Variants in ZFHX3 observed in about 807,000 individuals in gnomAD.
ZFHX3 encodes the protein zinc finger homeobox protein 3.
Under a neutral mutation model 279.1 loss-of-function variants are expected in ZFHX3, and 42 were observed. That is an observed-to-expected ratio of 0.15 (90% CI 0.12 to 0.19). The LOEUF (loss-of-function observed/expected upper bound fraction) is 0.19. Ranked by LOEUF, ZFHX3 falls within the 10% of genes least tolerant of loss-of-function variation. The probability of loss-of-function intolerance (pLI) is 1.00; values close to 1 mark genes in which losing one functional copy is unlikely to be tolerated. For missense variants in ZFHX3, 4,981 were observed against 4,754.0 expected, an observed-to-expected ratio of 1.05 and a Z score of -1.40; for synonymous variants, 2,293 against 1,957.8, an observed-to-expected ratio of 1.17 and a Z score of -4.52.
At chr16:72,956,457 C>A (rs778137751) in intron 2 of ZFHX3, among the ~76,000 whole-genome samples, 1 of 152,176 alleles carries the variant, frequency 6.6e-6, no homozygotes, top group African/African-American at 2.4e-5. Flanking sequence ...TCTCATGAAA[C>A]CCATCTGTAG....
intron 3 of ZFHX3, among the ~76,000 whole-genome samples, chr16:72,939,523 G>A (rs949885788): frequency 2.0e-5 from 3 of 152,284 alleles, no homozygotes; most frequent in East Asian, 1.9e-4. Context: ...ACACAGACTC[G>A]CTCCCAAGGG....
intron 1 of ZFHX3, among the ~76,000 whole-genome samples, chr16:73,817,528 G>T (rs1960608168): frequency 6.6e-6 from 1 of 152,142 alleles, no homozygotes; most frequent in Admixed American, 6.5e-5. Context: ...TAAAATCGCG[G>T]TTCTGACAGA....
At chr16:73,813,355 C>T (rs116197709) in intron 1 of ZFHX3, among the ~76,000 whole-genome samples, 1,846 of 151,996 alleles carry the variant, frequency 0.012, 29 homozygotes, top group African/African-American at 0.042. Flanking sequence ...ACTAGTTCCC[C>T]ATAGAGGACA....
intron 2 of ZFHX3, among the ~76,000 whole-genome samples, chr16:73,476,004 C>T (rs1406461635): frequency 6.6e-6 from 1 of 152,034 alleles, no homozygotes; most frequent in African/African-American, 2.4e-5. Flanking sequence ...TTAAGGTATT[C>T]CAAAAAGAAA....
At chr16:73,392,183 G>C (rs1292859807) in intron 3 of ZFHX3, among the ~76,000 whole-genome samples, 2 of 152,038 alleles carry the variant, frequency 1.3e-5, no homozygotes, top group Non-Finnish European at 1.5e-5. Flanking sequence ...ACTTTGGGAG[G>C]CTGAGGTGGG....
Position 73,025,037 on chromosome 16 carries a change from C to T in ZFHX3, c.-50+22715G>A, listed in dbSNP as rs549112618. On this transcript the variant is annotated intron_variant, in intron 1 of 9. Transcript: ENST00000268489. ...CCCACATATGATCTCCGCATGTATC[C>T]ATTATAAGGATCTAACTTTTTTATG... 5.3e-5 allele frequency among the ~76,000 whole-genome samples: 8 copies of T among 152,282 alleles called. No individual in the cohort carries two copies. In the East Asian group the frequency reaches 1.5e-3, roughly 29 times the overall value.
intron 1 of ZFHX3, among the ~76,000 whole-genome samples, chr16:73,757,912 T>C (rs2053827449): frequency 6.6e-6 from 1 of 152,166 alleles, no homozygotes; most frequent in African/African-American, 2.4e-5. Context: ...ATCTTTATAC[T>C]CCATAAAGCT....
chr16:73,785,858 C>A (rs1959626843), intron 1 of ZFHX3, among the ~76,000 whole-genome samples: 1 of 151,892 alleles, frequency 6.6e-6, no homozygotes, highest in East Asian at 1.9e-4. Flanking sequence ...ACTTTGTAAC[C>A]ATTTCTAATC....
Position 72,862,141 on chromosome 16 carries a change from A to C in ZFHX3, c.3448+27590T>G, listed in dbSNP as rs535303264. 4.6e-5 allele frequency among the ~76,000 whole-genome samples: 7 copies of C among 152,306 alleles called. No individual in the cohort carries two copies. The South Asian group carries it at 1.5e-3, about 32-fold the overall frequency. ...TGTATACCATGCAACTTCAAGGGAA[A>C]TCAATCATGTTAGGCCACTGCTGAA... On this transcript the variant is annotated intron_variant, in intron 4 of 9. Coordinates refer to ENST00000268489, the MANE Select transcript of ZFHX3 (RefSeq NM_006885.4).
chr16:73,806,351 A>G (rs1358131342), intron 1 of ZFHX3, among the ~76,000 whole-genome samples: 1 of 152,214 alleles, frequency 6.6e-6, no homozygotes, highest in African/African-American at 2.4e-5. Context: ...ACAATTGAGG[A>G]GCAGCAGGGA....
chr16:73,643,538 C>A (rs1374819805), intron 2 of ZFHX3, among the ~76,000 whole-genome samples: 1 of 152,220 alleles, frequency 6.6e-6, no homozygotes, highest in Non-Finnish European at 1.5e-5. Context: ...TCAATGACAT[C>A]TTGAACTATG....
At chr16:73,646,478 T>C (rs2142160936) in intron 2 of ZFHX3, among the ~76,000 whole-genome samples, 1 of 152,118 alleles carries the variant, frequency 6.6e-6, no homozygotes, top group Admixed American at 6.5e-5. Flanking sequence ...ACAATAATGA[T>C]AACTCCAGAG....
At chr16:73,381,729 A>G (rs999878731) in intron 3 of ZFHX3, among the ~76,000 whole-genome samples, 9 of 152,208 alleles carry the variant, frequency 5.9e-5, no homozygotes, top group Admixed American at 3.3e-4. Flanking sequence ...GGGCCACACA[A>G]AACATATACT....
chr16:73,823,640 G>C (rs1960815339), intron 1 of ZFHX3, among the ~76,000 whole-genome samples: 2 of 148,112 alleles, frequency 1.4e-5, no homozygotes, highest in South Asian at 2.1e-4. Flanking sequence ...GCATTGTCTA[G>C]GGCTGCTTTG....
At chr16:73,303,196 G>A (rs1196817519) in intron 4 of ZFHX3, among the ~76,000 whole-genome samples, 1 of 152,062 alleles carries the variant, frequency 6.6e-6, no homozygotes, top group Non-Finnish European at 1.5e-5. Flanking sequence ...GCCTGGTGAA[G>A]TTTTAAATTT....
At chr16:73,283,790 A>C (rs866999670) in intron 4 of ZFHX3, among the ~76,000 whole-genome samples, 17 of 152,244 alleles carry the variant, frequency 1.1e-4, no homozygotes, top group Non-Finnish European at 1.3e-4. Flanking sequence ...CTAAAAGTGA[A>C]AGAAGAAAAT....
chr16:72,902,887 C>A (rs2039075979), intron 3 of ZFHX3, among the ~76,000 whole-genome samples: 1 of 152,058 alleles, frequency 6.6e-6, no homozygotes, highest in Non-Finnish European at 1.5e-5. Flanking sequence ...CAGCCGGGGG[C>A]TAAAGTTGGA....
intron 5 of ZFHX3, among the ~76,000 whole-genome samples, chr16:72,819,400 C>T (rs1393610280): frequency 2.6e-5 from 4 of 152,194 alleles, no homozygotes; most frequent in Non-Finnish European, 5.9e-5. Flanking sequence ...ACTGAGATCG[C>T]AGCCTTGAGG....
At chr16:73,183,116 A>T (rs974049471) in intron 5 of ZFHX3, among the ~76,000 whole-genome samples, 13 of 152,204 alleles carry the variant, frequency 8.5e-5, no homozygotes, top group African/African-American at 1.2e-4. Flanking sequence ...GAGACAGGAG[A>T]ATTGCTTGAA....
Sources: allele counts gnomAD v4.1 joint callset (sites outside exome capture counted in the v4.1 genomes callset), GRCh38; gene constraint gnomAD v4.1.1; transcripts MANE v1.5; gene names NCBI Gene and HGNC (gene_info 2026-07-23, HGNC 2026-07-21).